SOX5: variants seen among roughly 807,000 people sequenced by gnomAD.
SOX5 encodes transcription factor SOX-5.
In SOX5, 9 loss-of-function variants were observed where a neutral mutation model predicts 92.0. That is an observed-to-expected ratio of 0.10 (90% CI 0.06 to 0.17). The LOEUF (loss-of-function observed/expected upper bound fraction) is 0.17, where lower values mean the gene tolerates loss of function less well. Among genes scored for constraint, SOX5 ranks in the 10% least tolerant of loss-of-function variants. The pLI, the probability that SOX5 is intolerant of heterozygous loss-of-function variation, is 1.00. For missense variants in SOX5, 642 were observed against 944.5 expected (o/e 0.68, Z 4.20); for synonymous variants, 344 against 336.3 (o/e 1.02, Z -0.25).
intron 1 of SOX5, among the ~76,000 whole-genome samples, chr12:24,518,856 T>A (rs1485937675): frequency 6.6e-6 from 1 of 152,228 alleles, no homozygotes. Flanking sequence ...ATTGTTTTAC[T>A]TCCTTAATAT....
At chr12:24,506,415 A>G (rs1229672235) in intron 1 of SOX5, among the ~76,000 whole-genome samples, 2 of 98,346 alleles carry the variant, frequency 2.0e-5, no homozygotes, top group Non-Finnish European at 4.0e-5. Context: ...ACAAAAAAAA[A>G]AAAAGAGAGA....
intron 4 of SOX5, among the ~76,000 whole-genome samples, chr12:24,151,335 G>A (rs1951631927): frequency 6.6e-6 from 1 of 151,866 alleles, no homozygotes; most frequent in Non-Finnish European, 1.5e-5. Context: ...TGTACATAAT[G>A]AATGTATATT....
intron 4 of SOX5, among the ~76,000 whole-genome samples, chr12:24,088,960 G>T (rs576085756): frequency 6.6e-6 from 1 of 152,114 alleles, no homozygotes; most frequent in Admixed American, 6.5e-5. Flanking sequence ...AATGAAACAG[G>T]ATATTCCACT....
chr12:23,774,305 G>A (rs887745177), intron 3 of SOX5, among the ~76,000 whole-genome samples: 1 of 151,942 alleles, frequency 6.6e-6, no homozygotes, highest in Admixed American at 6.6e-5. Context: ...AAATGACAGG[G>A]AAATAAAGAA....
chr12:24,544,295 G>T (rs1344721084), intron 1 of SOX5, among the ~76,000 whole-genome samples: 2 of 152,050 alleles, frequency 1.3e-5, no homozygotes, highest in Admixed American at 6.5e-5. Flanking sequence ...CAAAAAGATG[G>T]GTAAGAACTT....
chr12:23,569,812 G>T (rs10771004), intron 10 of SOX5, among the ~76,000 whole-genome samples: 138,945 of 152,282 alleles, frequency 0.91, 64,756 homozygotes, highest in East Asian at 1. Flanking sequence ...TTGACAAGAT[G>T]AGTACTTCCC....
At chr12:24,436,456 T>C (rs1419685806) in intron 1 of SOX5, among the ~76,000 whole-genome samples, 1 of 152,184 alleles carries the variant, frequency 6.6e-6, no homozygotes, top group Admixed American at 6.5e-5. Flanking sequence ...ACCCAAAGCC[T>C]AATCTAGAGC....
rs1948844381 is a variant in SOX5, at chr12:24,506,948, A to ACG, written c.-251+55380_-251+55381insCG. On this transcript the variant is annotated intron_variant, in intron 1 of 4. Transcript: ENST00000446891. Reference sequence around the variant, plus strand: ...TGGGACTACAGGCGCCCGCCACTGCACCCGGCTAATTTTTTGTATTTTTAG... The same window carrying ACG: ...TGGGACTACAGGCGCCCGCCACTGCACGCCCGGCTAATTTTTTGTATTTTTAG... Among the ~76,000 whole-genome samples, 5 of 151,490 alleles carry ACG rather than the reference A, an allele frequency of 3.3e-5. No homozygotes were observed. In the East Asian group the frequency reaches 7.8e-4, roughly 24 times the overall value.
intron 4 of SOX5, among the ~76,000 whole-genome samples, chr12:24,156,568 CT>C (rs556612151): frequency 5.8e-4 from 89 of 152,150 alleles, no homozygotes; most frequent in Non-Finnish European, 1.0e-3. Context: ...TAATGTTTAT[CT>C]GCTGTATGTA....
chr12:23,613,358 G>T (rs2076187915), intron 8 of SOX5, among the ~76,000 whole-genome samples: 1 of 150,212 alleles, frequency 6.7e-6, no homozygotes, highest in African/African-American at 2.4e-5. Flanking sequence ...GCACCAGAAA[G>T]TAACAAATGC....
chr12:24,444,745 A>G (rs1196328035), intron 1 of SOX5, among the ~76,000 whole-genome samples: 4 of 152,152 alleles, frequency 2.6e-5, no homozygotes, highest in Non-Finnish European at 2.9e-5. Context: ...GTATATAGAC[A>G]GCCCACTGTC....
At chr12:24,099,439 G>C (rs1383237432) in intron 4 of SOX5, among the ~76,000 whole-genome samples, 2 of 152,206 alleles carry the variant, frequency 1.3e-5, no homozygotes, top group Non-Finnish European at 2.9e-5. Context: ...CTCTGGATCA[G>C]TTAGATCTGT....
At chr12:24,296,818 TAAAA>T (rs34459785) in intron 2 of SOX5, among the ~76,000 whole-genome samples, 1 of 137,438 alleles carries the variant, frequency 7.3e-6, no homozygotes. Context: ...ACATTGTTCT[TAAAA>T]AAAAAAAAAA....
intron 8 of SOX5, among the ~76,000 whole-genome samples, chr12:23,634,313 T>G (rs1169776073): frequency 6.6e-6 from 1 of 152,154 alleles, no homozygotes; most frequent in African/African-American, 2.4e-5. Context: ...TGAAGATGAC[T>G]AGTGCTATAG....
At chr12:23,652,299 A>G (rs1348943781) in intron 7 of SOX5, among the ~76,000 whole-genome samples, 1 of 152,062 alleles carries the variant, frequency 6.6e-6, no homozygotes, top group South Asian at 2.1e-4. Context: ...TATCTTGTTC[A>G]TGCCAACTTT....
intron 3 of SOX5, among the ~76,000 whole-genome samples, chr12:23,790,143 T>G (rs1187324316): frequency 1.3e-5 from 2 of 152,146 alleles, no homozygotes; most frequent in African/African-American, 4.8e-5. Flanking sequence ...ATAATAACTA[T>G]AAAACTGAAA....
At chr12:24,435,462 T>C (rs141004625) in intron 1 of SOX5, among the ~76,000 whole-genome samples, 57 of 152,342 alleles carry the variant, frequency 3.7e-4, no homozygotes, top group African/African-American at 1.1e-3. Flanking sequence ...ACTAATTACA[T>C]GCTTCTAAAT....
chr12:24,136,852 G>T (rs1416213527), intron 4 of SOX5, among the ~76,000 whole-genome samples: 1 of 152,204 alleles, frequency 6.6e-6, no homozygotes, highest in African/African-American at 2.4e-5. Flanking sequence ...TATGCTATCT[G>T]TTGTATTCAG....
intron 2 of SOX5, among the ~76,000 whole-genome samples, chr12:24,282,531 CAAA>C (rs5797074): frequency 2.7e-5 from 4 of 146,386 alleles, no homozygotes; most frequent in Non-Finnish European, 4.5e-5. Flanking sequence ...AAACTAGAAA[CAAA>C]AAAAAAAAAG....
Sources: allele counts gnomAD v4.1 joint callset (sites outside exome capture counted in the v4.1 genomes callset), GRCh38; gene constraint gnomAD v4.1.1; transcripts MANE v1.5; gene names NCBI Gene and HGNC (gene_info 2026-07-23, HGNC 2026-07-21).